The following DCC variants were observed in gnomAD, a reference collection of about 807,000 sequenced individuals.
DCC encodes netrin receptor DCC.
Under a neutral mutation model 172.5 loss-of-function variants are expected in DCC, and 58 were observed. The ratio of observed to expected loss-of-function variants is 0.34; its 90% CI spans 0.27 to 0.42. DCC has a LOEUF of 0.42. Ranked by LOEUF, DCC falls within the 10% of genes least tolerant of loss-of-function variation. The probability of loss-of-function intolerance (pLI) is 1.00; values close to 1 mark genes in which losing one functional copy is unlikely to be tolerated. For missense variants in DCC, 1,740 were observed against 1,791.0 expected (o/e 0.97, Z 0.51); for synonymous variants, 709 against 644.5 (o/e 1.10, Z -1.52).
chr18:52,619,855 T>C (rs954541577), intron 1 of DCC, among the ~76,000 whole-genome samples: 1 of 152,146 alleles, frequency 6.6e-6, no homozygotes, highest in South Asian at 2.1e-4. Context: ...CTCTGATAAA[T>C]TGAGTCCATT....
chr18:52,404,725 A>G (rs996454415), intron 1 of DCC, among the ~76,000 whole-genome samples: 6 of 151,348 alleles, frequency 4.0e-5, no homozygotes, highest in Non-Finnish European at 8.8e-5. Flanking sequence ...GGTTAGTTAC[A>G]TATGTATACA....
intron 7 of DCC, among the ~76,000 whole-genome samples, chr18:53,126,414 T>C (rs535112707): frequency 1.3e-5 from 2 of 152,266 alleles, no homozygotes; most frequent in South Asian, 4.1e-4. Flanking sequence ...GAAAGCACTT[T>C]CCTCTTATTT....
intron 9 of DCC, among the ~76,000 whole-genome samples, chr18:53,191,487 A>C (rs545989730): frequency 6.6e-6 from 1 of 152,234 alleles, no homozygotes; most frequent in African/African-American, 2.4e-5. Context: ...ATTACAACTA[A>C]TTTCACTTAT....
chr18:52,531,710 A>G (rs144017460), intron 1 of DCC, among the ~76,000 whole-genome samples: 62 of 152,082 alleles, frequency 4.1e-4, no homozygotes, highest in African/African-American at 1.4e-3. Flanking sequence ...GCTATCTTAG[A>G]CTATTTCAAC....
chr18:52,735,172 C>T (rs2036705838), intron 1 of DCC, among the ~76,000 whole-genome samples: 1 of 152,126 alleles, frequency 6.6e-6, no homozygotes, highest in East Asian at 1.9e-4. Context: ...TGATTTGTTG[C>T]TGGAAGAACA....
intron 15 of DCC, among the ~76,000 whole-genome samples, chr18:53,384,156 G>A (rs1266367292): frequency 7.9e-5 from 12 of 152,090 alleles, no homozygotes; most frequent in Non-Finnish European, 1.5e-5. Context: ...TAGTTCTGGG[G>A]ATCAGGGAAC....
intron 1 of DCC, among the ~76,000 whole-genome samples, chr18:52,643,392 G>T (rs2034950134): frequency 6.6e-6 from 1 of 152,150 alleles, no homozygotes; most frequent in Non-Finnish European, 1.5e-5. Flanking sequence ...GAAAAGATGG[G>T]TTGAAGAAAT....
Position 52,832,514 on chromosome 18 carries a change from C to A in DCC, c.413-73530C>A, listed in dbSNP as rs372769942. 1.1e-4 allele frequency among the ~76,000 whole-genome samples: 16 copies of A among 152,182 alleles called. No homozygotes were observed. The East Asian group carries it at 2.9e-3, about 28-fold the overall frequency. Reference sequence around the variant, plus strand: ...TTTAGTAAGACTTCTGGGCGTCTTCCGTGGACTCGTTTAAGAATCCCTGCT... The same window carrying A: ...TTTAGTAAGACTTCTGGGCGTCTTCAGTGGACTCGTTTAAGAATCCCTGCT... On this transcript the variant is annotated intron_variant, in intron 2 of 28. Coordinates refer to ENST00000442544, the MANE Select transcript of DCC (RefSeq NM_005215.4).
chr18:52,743,676 C>A (rs1044378535), intron 1 of DCC, among the ~76,000 whole-genome samples: 2 of 152,200 alleles, frequency 1.3e-5, no homozygotes, highest in African/African-American at 4.8e-5. Context: ...CAGATCTCTG[C>A]AAAGCTTCTT....
At chr18:53,345,074 T>C (rs1018162723) in intron 15 of DCC, among the ~76,000 whole-genome samples, 3 of 151,686 alleles carry the variant, frequency 2.0e-5, no homozygotes, top group Non-Finnish European at 4.4e-5. Context: ...CAAATAAACA[T>C]AGCTGTGTCC....
intron 1 of DCC, among the ~76,000 whole-genome samples, chr18:52,686,279 C>T (rs1460198): frequency 2.0e-5 from 3 of 151,858 alleles, no homozygotes; most frequent in Non-Finnish European, 4.4e-5. Flanking sequence ...TGTGGCTACA[C>T]GTAATAGGGC....
At chr18:52,654,151 C>T (rs1362892559) in intron 1 of DCC, among the ~76,000 whole-genome samples, 1 of 152,134 alleles carries the variant, frequency 6.6e-6, no homozygotes, top group East Asian at 1.9e-4. Flanking sequence ...AATAGAAAAG[C>T]ACTTATTAAT....
At chr18:52,870,864 C>T (rs542121502) in intron 2 of DCC, among the ~76,000 whole-genome samples, 89 of 152,228 alleles carry the variant, frequency 5.8e-4, no homozygotes, top group Middle Eastern at 3.4e-3. Context: ...AACTTTGTCT[C>T]CCATGTTGCA....
intron 1 of DCC, among the ~76,000 whole-genome samples, chr18:52,400,659 G>T (rs1484798487): frequency 1.3e-5 from 2 of 152,058 alleles, no homozygotes; most frequent in African/African-American, 4.8e-5. Flanking sequence ...GTTTATTGCA[G>T]CACTGTTCAC....
At chr18:52,729,451 G>A (rs1046434134) in intron 1 of DCC, among the ~76,000 whole-genome samples, 1 of 152,030 alleles carries the variant, frequency 6.6e-6, no homozygotes, top group African/African-American at 2.4e-5. Context: ...GTAGAGATGG[G>A]GTTTCACCAT....
chr18:53,485,410 T>C (rs1044898176), intron 25 of DCC, among the ~76,000 whole-genome samples: 8 of 152,008 alleles, frequency 5.3e-5, no homozygotes, highest in Non-Finnish European at 1.0e-4. Flanking sequence ...ATTAGGAAAA[T>C]TGAAATATCA....
At chr18:52,444,273 C>T (rs928634615) in intron 1 of DCC, among the ~76,000 whole-genome samples, 3 of 152,152 alleles carry the variant, frequency 2.0e-5, no homozygotes, top group Non-Finnish European at 2.9e-5. Flanking sequence ...CAAATATAAA[C>T]TAAAACATGA....
At chr18:53,298,808 A>G (rs1354024124) in intron 12 of DCC, among the ~76,000 whole-genome samples, 1 of 152,106 alleles carries the variant, frequency 6.6e-6, no homozygotes, top group Non-Finnish European at 1.5e-5. Context: ...TAGTTTTTAA[A>G]GAGAATAGGA....
intron 1 of DCC, among the ~76,000 whole-genome samples, chr18:52,574,462 C>T (rs1026078423): frequency 2.6e-5 from 4 of 152,184 alleles, no homozygotes; most frequent in Admixed American, 2.6e-4. Context: ...GCCACTGAAG[C>T]ATAATATTAT....
Sources: allele counts gnomAD v4.1 joint callset (sites outside exome capture counted in the v4.1 genomes callset), GRCh38; gene constraint gnomAD v4.1.1; transcripts MANE v1.5; gene names NCBI Gene and HGNC (gene_info 2026-07-23, HGNC 2026-07-21).